NCKAP1: variants seen among roughly 807,000 people sequenced by gnomAD.
NCKAP1 encodes the protein nck-associated protein 1.
Under a neutral mutation model 151.2 loss-of-function variants are expected in NCKAP1, and 21 were observed. That is an observed-to-expected ratio of 0.14 (90% CI 0.10 to 0.20). The LOEUF (loss-of-function observed/expected upper bound fraction) is 0.20. NCKAP1 is among the 10% of genes least tolerant of loss of function. The pLI, the probability that NCKAP1 is intolerant of heterozygous loss-of-function variation, is 1.00. For synonymous variants in NCKAP1, 484 were observed against 451.8 expected, an observed-to-expected ratio of 1.07 and a Z score of -0.90; for missense variants, 933 against 1,352.1, an observed-to-expected ratio of 0.69 and a Z score of 4.86.
intron 24 of NCKAP1, among the ~76,000 whole-genome samples, chr2:182,939,900 C>T (rs1167771445): frequency 6.6e-6 from 1 of 152,086 alleles, no homozygotes; most frequent in South Asian, 2.1e-4. Flanking sequence ...TAACATTCAA[C>T]AATTTAGATT....
At chr2:182,979,122 T>A (rs887653978) in intron 13 of NCKAP1, among the ~76,000 whole-genome samples, 4 of 152,076 alleles carry the variant, frequency 2.6e-5, no homozygotes, top group African/African-American at 9.6e-5. Flanking sequence ...ATAAATGATT[T>A]TGTGTTAAAA....
chr2:182,991,204 TTA>T (rs1464666363), intron 8 of NCKAP1, among the ~76,000 whole-genome samples: 1 of 152,232 alleles, frequency 6.6e-6, no homozygotes, highest in Admixed American at 6.5e-5. Context: ...AACATACGTG[TTA>T]TGAGTTAAAG....
chr2:183,026,938 A>T (rs1428190812), intron 1 of NCKAP1, among the ~76,000 whole-genome samples: 2 of 152,110 alleles, frequency 1.3e-5, no homozygotes, highest in African/African-American at 4.8e-5. Context: ...TCTTTATCAT[A>T]ATATATATAT....
At chr2:183,023,588 T>C (rs1342956886) in intron 2 of NCKAP1, among the ~76,000 whole-genome samples, 2 of 152,182 alleles carry the variant, frequency 1.3e-5, no homozygotes, top group African/African-American at 4.8e-5. Context: ...TATAGTAATC[T>C]AAGATCTTTG....
At chr2:182,975,156 C>CT (rs34996728) in intron 15 of NCKAP1, among the ~76,000 whole-genome samples, 9 of 151,916 alleles carry the variant, frequency 5.9e-5, no homozygotes, top group Non-Finnish European at 8.8e-5. Context: ...AATTCCACTT[C>CT]TTTTTTTTAC....
At chr2:183,024,876 T>C in intron 1 of NCKAP1, 1 of 1,324,888 alleles carries the variant, frequency 7.5e-7, no homozygotes. Flanking sequence ...TTCCATTGTT[T>C]ACTATGGCTA....
chr2:182,963,110 T>C (rs368363233), intron 17 of NCKAP1, among the ~76,000 whole-genome samples: 8 of 152,032 alleles, frequency 5.3e-5, no homozygotes, highest in East Asian at 3.8e-4. Flanking sequence ...TACTTGAGCA[T>C]AGAAAATAAC....
intron 24 of NCKAP1, among the ~76,000 whole-genome samples, chr2:182,941,131 CATT>C (rs1559074374): frequency 1.4e-5 from 2 of 141,686 alleles, no homozygotes. Context: ...TTTGGGATTT[CATT>C]TTTTTTTTTT....
intron 2 of NCKAP1, among the ~76,000 whole-genome samples, chr2:183,020,535 G>C (rs1388486718): frequency 6.6e-6 from 1 of 150,386 alleles, no homozygotes; most frequent in Non-Finnish European, 1.5e-5. Context: ...GTTTTTATGA[G>C]TACCTTTTCT....
chr2:182,934,302 T>TA, intron 26 of NCKAP1: 1 of 148,962 alleles, frequency 6.7e-6, no homozygotes, highest in Non-Finnish European at 1.5e-5. Context: ...CACGCCTGGC[T>TA]AATTTTTTTT....
At chr2:183,037,488 G>A (rs1022547527) in intron 1 of NCKAP1, among the ~76,000 whole-genome samples, 3 of 146,132 alleles carry the variant, frequency 2.1e-5, no homozygotes, top group African/African-American at 5.6e-5. Flanking sequence ...CAAAGTGGAG[G>A]GGATACGGGA....
intron 23 of NCKAP1, among the ~76,000 whole-genome samples, chr2:182,944,644 ACTT>A (rs1697063340): frequency 6.6e-6 from 1 of 152,212 alleles, no homozygotes; most frequent in South Asian, 2.1e-4. Flanking sequence ...AAAAAGCTCT[ACTT>A]CTTTAATTAG....
At chr2:183,017,605 G>A (rs1698718201) in intron 2 of NCKAP1, among the ~76,000 whole-genome samples, 4 of 152,146 alleles carry the variant, frequency 2.6e-5, no homozygotes, top group South Asian at 2.1e-4. Context: ...ATCTCCTGCT[G>A]GGCAGCCGGG....
At position 183,038,011 on chromosome 2, in the gene NCKAP1, C is replaced by T. The variant is rs1326680267; in HGVS notation, c.89G>A (p.Arg30His). 6.3e-7 allele frequency: 1 copy of T among 1,581,712 alleles called. No homozygotes were observed. The highest frequency in any genetic ancestry group is 1.1e-5 in the South Asian group (1 of 88,662). ...GCGCACCTTCTTGATGTTGTAGAGG[C>T]GGGTGAGCATGCCGACGCCCCGGTC... is the stretch of plus-strand genomic sequence containing the variant. ...LNDRGVGMLT[R>H]LYNIKKACGD... is the part of the protein sequence containing the mutation. The change falls in exon 1 of 31, where the codon CGC becomes CAC. Residue 30 changes from arginine (R) to histidine (H), a missense_variant. Around this residue, in one of 2 missense-constraint regions of NCKAP1, gnomAD observed 607 missense variants for 795.0 expected, o/e 0.76. Coordinates refer to ENST00000361354, the MANE Select transcript of NCKAP1 (RefSeq NM_013436.5).
At chr2:183,029,238 C>G (rs2105898608) in intron 1 of NCKAP1, among the ~76,000 whole-genome samples, 1 of 152,070 alleles carries the variant, frequency 6.6e-6, no homozygotes, top group East Asian at 1.9e-4. Flanking sequence ...GAAAACTACA[C>G]AATATATTAT....
rs143446514 is a variant in NCKAP1 at position 183,033,274 on chromosome 2, A to G, written c.108+4718T>C. ...CAAATTGTTAAGTCAAACCATCACA[A>G]GTTGGGGACCCTCTGTATATCCTAC... On this transcript the variant is annotated intron_variant, in intron 1 of 30. Transcript: ENST00000361354. Among the ~76,000 whole-genome samples, 480 of 152,306 alleles carry G rather than the reference A, an allele frequency of 3.2e-3. 3 individuals are homozygous for G. The highest frequency in any genetic ancestry group is 4.5e-3 in the Non-Finnish European group (304 of 68,006).
At chr2:182,998,076 C>T (rs758474217) in intron 6 of NCKAP1, among the ~76,000 whole-genome samples, 1 of 152,092 alleles carries the variant, frequency 6.6e-6, no homozygotes, top group African/African-American at 2.4e-5. Context: ...TTTTAAAACA[C>T]CATATGATCA....
At chr2:182,947,893 G>A (rs576700803) in intron 23 of NCKAP1, among the ~76,000 whole-genome samples, 9 of 151,936 alleles carry the variant, frequency 5.9e-5, no homozygotes, top group African/African-American at 1.2e-4. Flanking sequence ...ATAAGAATAC[G>A]TATGAAGTAT....
chr2:182,954,977 C>CTTGAGTG (rs1697295112), intron 20 of NCKAP1, among the ~76,000 whole-genome samples: 1 of 152,070 alleles, frequency 6.6e-6, no homozygotes, highest in Non-Finnish European at 1.5e-5. Context: ...CTTCCACCCA[C>CTTGAGTG]CAATGTCCCA....
Sources: allele counts gnomAD v4.1 joint callset (sites outside exome capture counted in the v4.1 genomes callset), GRCh38; gene constraint gnomAD v4.1.1; regional missense constraint gnomAD v4.1.1; transcripts MANE v1.5; gene names NCBI Gene and HGNC (gene_info 2026-07-23, HGNC 2026-07-21).